OSBPL5: variants seen among roughly 807,000 people sequenced by gnomAD.
The protein encoded by OSBPL5 is oxysterol binding protein like 5, also known as oxysterol-binding protein-related protein 5.
OSBPL5 carries 71 observed loss-of-function variants against 111.2 expected under a neutral mutation model. The observed-to-expected ratio is 0.64, with a 90% CI of 0.53 to 0.78. OSBPL5 has a LOEUF of 0.78. Ranked by LOEUF, OSBPL5 falls within the 30% of genes least tolerant of loss-of-function variation. The pLI, the probability that OSBPL5 is intolerant of heterozygous loss-of-function variation, is 0.00. For synonymous variants in OSBPL5, 549 were observed against 513.9 expected, an observed-to-expected ratio of 1.07 and a Z score of -0.93; for missense variants, 1,210 against 1,189.3, an observed-to-expected ratio of 1.02 and a Z score of -0.26.
In OSBPL5 at chr11:3,141,303, C is replaced by T. The variant is rs978547256; in HGVS notation, c.-21-12134G>A. The stretch of plus-strand genomic sequence containing the variant: ...TTTGACCAAGCGCCTCCTGCTCACC[C>T]GGGAACACACCCTCGGGTCCAGCAT... On this transcript the variant is annotated intron_variant, in intron 1 of 21. Transcript: ENST00000263650. The surrounding 1 kb of genome is among the most constrained non-coding windows in gnomAD (Gnocchi z 6.5). Among the ~76,000 whole-genome samples, 4 of 152,082 alleles carry T rather than the reference C, an allele frequency of 2.6e-5. No homozygotes were observed. Among genetic ancestry groups the T allele is most frequent in the African/African-American group, 4.8e-5 (2 of 41,408 alleles).
intron 6 of OSBPL5, 146 bp from the exon 7 acceptor site, chr11:3,119,777 G>T: frequency 1.5e-6 from 1 of 654,670 alleles, no homozygotes; most frequent in Non-Finnish European, 2.5e-6. Flanking sequence ...CCAGGCACCT[G>T]GCCAGGTAGA....
chr11:3,132,934 C>A (rs950416293), intron 1 of OSBPL5, among the ~76,000 whole-genome samples: 3 of 152,172 alleles, frequency 2.0e-5, no homozygotes, highest in African/African-American at 7.2e-5. Flanking sequence ...CCTGTCGTGT[C>A]GCACGGCTCC....
intron 1 of OSBPL5, among the ~76,000 whole-genome samples, chr11:3,159,467 C>T (rs1846888470): frequency 6.6e-6 from 1 of 152,224 alleles, no homozygotes; most frequent in Non-Finnish European, 1.5e-5. Context: ...ATCCGCTGCA[C>T]TCAGGGACAC....
intron 3 of OSBPL5, 152 bp from the exon 4 acceptor site, chr11:3,122,580 G>T: frequency 1.5e-6 from 1 of 658,526 alleles, no homozygotes; most frequent in Non-Finnish European, 2.6e-6. Flanking sequence ...CCCCCCACCA[G>T]CACTTCCGGG....
intron 1 of OSBPL5, chr11:3,129,468 A>G (rs1017566219): frequency 2.4e-5 from 5 of 207,946 alleles, no homozygotes; most frequent in African/African-American, 9.2e-5. Flanking sequence ...CCCCCACCCC[A>G]GGTTCTGTGA....
chr11:3,135,506 G>GGAGGT, intron 1 of OSBPL5, among the ~76,000 whole-genome samples: 1 of 151,182 alleles, frequency 6.6e-6, no homozygotes, highest in African/African-American at 2.5e-5. Flanking sequence ...CAGGCAGGCA[G>GGAGGT]GGATGGGTGC....
At chr11:3,156,284 C>T (rs78179526) in intron 1 of OSBPL5, among the ~76,000 whole-genome samples, 5,553 of 152,248 alleles carry the variant, frequency 0.036, 146 homozygotes, top group African/African-American at 0.072. Context: ...GATGGAAATC[C>T]GTGTGATTTA....
rs564847977 is a variant in OSBPL5 at position 3,132,058 on chromosome 11, C to T, written c.-21-2889G>A. Among the ~76,000 whole-genome samples the T allele has an allele frequency of 6.7e-5, 10 of 150,118 alleles. No individual in the cohort carries two copies. The South Asian group carries it at 2.1e-3, about 32-fold the overall frequency. On this transcript the variant is annotated intron_variant, in intron 1 of 21. Transcript: ENST00000263650. ...CCATCCATCCATCCATCCATTCACCCACCTGCCACCCCTCTATCCCTCCTT... is the reference window on the plus strand; with the variant it reads ...CCATCCATCCATCCATCCATTCACCTACCTGCCACCCCTCTATCCCTCCTT...
In OSBPL5 at chr11:3,124,906, G is replaced by A. The variant is rs111899973; in HGVS notation, c.219+1567C>T. Among the ~76,000 whole-genome samples the A allele has an allele frequency of 3.0e-3, 450 of 152,326 alleles. 2 individuals carry two copies. The highest frequency in any genetic ancestry group is 4.3e-3 in the Non-Finnish European group (292 of 68,032). ...ACTAGATGCAGCTGAATGGGGCTGT[G>A]TGTATTTGAGGCAACAGGGGAAGAG... On this transcript the variant is annotated intron_variant, in intron 3 of 21. Coordinates refer to ENST00000263650, the MANE Select transcript of OSBPL5 (RefSeq NM_020896.4).
chr11:3,092,949 G>T lies in OSBPL5; in HGVS notation c.2050C>A (p.Arg684=). The change falls in exon 18 of 22, where the codon CGG becomes AGG. Residue 684 remains arginine, a synonymous_variant. Coordinates refer to ENST00000263650, the MANE Select transcript of OSBPL5 (RefSeq NM_020896.4). The surrounding 1 kb of genome is among the most constrained non-coding windows in gnomAD (Gnocchi z 5.4). ...EEAQRQRARE[R]QESLMPWKPQ... ...TTCCAGGGCATGAGGCTCTCCTGCCGCTCACGGGCCCGCTGCCGCTGTGCC... is the reference window on the plus strand; with the variant it reads ...TTCCAGGGCATGAGGCTCTCCTGCCTCTCACGGGCCCGCTGCCGCTGTGCC... 1 of 1,586,200 alleles carries T rather than the reference G, an allele frequency of 6.3e-7. No homozygotes were observed. The highest frequency in any genetic ancestry group is 1.2e-5 in the South Asian group (1 of 86,670).
intron 1 of OSBPL5, among the ~76,000 whole-genome samples, chr11:3,131,007 G>A (rs925229852): frequency 9.9e-5 from 15 of 152,104 alleles, no homozygotes; most frequent in African/African-American, 2.4e-4. Context: ...AGAGAGCCCC[G>A]GAATGTCCCA....
Position 3,092,715 on chromosome 11 carries a change from G to A in OSBPL5, c.2132+152C>T, listed in dbSNP as rs553566314. On this transcript the variant is annotated intron_variant, in intron 18 of 21. Transcript: ENST00000263650. This position sits in a 1 kb window ranked among gnomAD's most constrained non-coding sequence, Gnocchi z 5.4. The stretch of plus-strand genomic sequence containing the variant: ...GGCAGGGCCTGCAGTAAGGACTGAT[G>A]ATGGGGGGTGTCACTATCTGACCCT... 1.5e-6 allele frequency: 2 copies of A among 1,319,268 alleles called. No homozygotes were observed. Among genetic ancestry groups the A allele is most frequent in the South Asian group, 3.0e-5 (2 of 65,672 alleles). 81.7% of individuals were successfully genotyped at this position (1,319,268 alleles called of 1,614,324 possible). A position where few individuals can be genotyped will look rare whatever the true frequency, so the allele number is the denominator to read the frequency against.
rs757977452 is a variant in OSBPL5 at position 3,092,607 on chromosome 11, G to T, written c.2133-49C>A. The T allele has an allele frequency of 1.3e-6, 2 of 1,520,016 alleles. No individual in the cohort carries two copies. Among genetic ancestry groups the T allele is most frequent in the South Asian group, 2.5e-5 (2 of 79,796 alleles). 94.2% of individuals were successfully genotyped at this position (1,520,016 alleles called of 1,614,324 possible). ...TCAGCACAGGCAGTGGCCCTCAGGTGAGGGGGCTGTCCTGGCCCAGTCTTC... is the reference window on the plus strand; with the variant it reads ...TCAGCACAGGCAGTGGCCCTCAGGTTAGGGGGCTGTCCTGGCCCAGTCTTC... On this transcript the variant is annotated intron_variant, in intron 18 of 21. Coordinates refer to ENST00000263650, the MANE Select transcript of OSBPL5 (RefSeq NM_020896.4). This position sits in a 1 kb window ranked among gnomAD's most constrained non-coding sequence, Gnocchi z 5.4.
intron 6 of OSBPL5, 137 bp downstream of exon 6, chr11:3,120,284 C>CCT: frequency 9.5e-7 from 1 of 1,054,134 alleles, no homozygotes; most frequent in Non-Finnish European, 1.4e-6. Context: ...GCATGTGGGG[C>CCT]TCAGAGAAGG....
rs192777402 is a variant in OSBPL5, at chr11:3,087,912, G to C, written c.*293C>G. On this transcript the variant is annotated 3_prime_UTR_variant, in exon 22 of 22. Transcript: ENST00000263650. The stretch of plus-strand genomic sequence containing the variant: ...CCCATGGCAAGTGGAGGCCGGACAG[G>C]GGGTGACACGGCAAGATGGCCAGGA... 268 of 275,672 alleles carry C rather than the reference G, an allele frequency of 9.7e-4. No individual in the cohort carries two copies. Among genetic ancestry groups the C allele is most frequent in the Non-Finnish European group, 1.6e-3 (241 of 148,194 alleles). 17.1% of individuals were successfully genotyped at this position (275,672 alleles called of 1,614,324 possible).
chr11:3,160,079 A>G (rs1270723382), intron 1 of OSBPL5, among the ~76,000 whole-genome samples: 3 of 151,950 alleles, frequency 2.0e-5, no homozygotes, highest in African/African-American at 7.3e-5. Flanking sequence ...ACAGGGTCAC[A>G]TGCCCCACCC....
intron 14 of OSBPL5, among the ~76,000 whole-genome samples, chr11:3,095,197 G>C (rs550117694): frequency 7.9e-5 from 12 of 151,796 alleles, no homozygotes; most frequent in Non-Finnish European, 1.2e-4. Context: ...AGCTCTGATG[G>C]GGGGAGGTCT....
rs1402363805 is a variant in OSBPL5 at position 3,121,487 on chromosome 11, G to A, written c.402+510C>T. 6.6e-6 allele frequency among the ~76,000 whole-genome samples: 1 copy of A among 152,054 alleles called. No homozygotes were observed. Among genetic ancestry groups the A allele is most frequent in the East Asian group, 1.9e-4 (1 of 5,178 alleles). On this transcript the variant is annotated intron_variant, in intron 5 of 21. Coordinates refer to ENST00000263650, the MANE Select transcript of OSBPL5 (RefSeq NM_020896.4). The surrounding 1 kb of genome is among the most constrained non-coding windows in gnomAD (Gnocchi z 4.3). ...AGCCTACATGGGCCTGGGCTCTGCAGACACCAGGGCTGGGCACACTTATCT... is the reference window on the plus strand; with the variant it reads ...AGCCTACATGGGCCTGGGCTCTGCAAACACCAGGGCTGGGCACACTTATCT...
At chr11:3,125,593 C>T (rs1184962578) in intron 3 of OSBPL5, among the ~76,000 whole-genome samples, 1 of 152,166 alleles carries the variant, frequency 6.6e-6, no homozygotes, top group Non-Finnish European at 1.5e-5. Context: ...ATCATGAGGT[C>T]AGGAGATCAA....
Sources: gnomAD v4.1 joint callset for allele counts (sites outside exome capture counted in the v4.1 genomes callset) on GRCh38, gnomAD v4.1.1 for gene constraint, Gnocchi (gnomAD v3.1) non-coding constraint, MANE v1.5 for transcripts, NCBI Gene and HGNC (gene_info 2026-07-23, HGNC 2026-07-21) for gene names.